The following AFDN variants were observed in gnomAD, a reference collection of about 807,000 sequenced individuals.
The protein encoded by AFDN is afadin.
A neutral mutation model predicts 216.6 loss-of-function variants in AFDN; 68 were observed. The ratio of observed to expected loss-of-function variants is 0.31; its 90% CI spans 0.26 to 0.38. The LOEUF is 0.38. Among genes scored for constraint, AFDN ranks in the 10% least tolerant of loss-of-function variants. The pLI, the probability that AFDN is intolerant of heterozygous loss-of-function variation, is 1.00. For synonymous variants in AFDN, 868 were observed against 853.7 expected (o/e 1.02, Z -0.29); for missense variants, 2,136 against 2,342.0 (o/e 0.91, Z 1.82).
intron 20 of AFDN, 129 bp downstream of exon 20, chr6:167,917,361 C>T (rs748109714): frequency 2.5e-5 from 26 of 1,021,560 alleles, no homozygotes; most frequent in African/African-American, 1.5e-4. Context: ...AGATCATTTT[C>T]GTGTTGCTGT....
intron 4 of AFDN, 32 bp downstream of exon 4, chr6:167,872,409 T>C: frequency 6.3e-7 from 1 of 1,584,462 alleles, no homozygotes. Context: ...TCCCCTTTCT[T>C]TGTGCTCCAA....
At position 167,898,234 on chromosome 6, in the gene AFDN, C is replaced by A; in HGVS notation, c.1347C>A (p.His449Gln). The A allele has an allele frequency of 6.2e-7, 1 of 1,614,192 alleles. No individual in the cohort carries two copies. The highest frequency in any genetic ancestry group is 8.5e-7 in the Non-Finnish European group (1 of 1,180,014). The change falls in exon 11 of 34, where the codon CAC becomes CAA. Residue 449 changes from histidine (H) to glutamine (Q), a missense_variant. By Grantham distance (24) the His-to-Gln change is conservative. Coordinates refer to ENST00000683244, the MANE Select transcript of AFDN (RefSeq NM_001386888.1). ...QLFGPGIQPHHCDLTNMDGVV... is the reference protein window; with the variant it reads ...QLFGPGIQPHQCDLTNMDGVV... Reference sequence around the variant, plus strand: ...TTGGCCCAGGAATTCAGCCCCATCACTGTGACCTTACCAACATGGATGGAG... The same window carrying A: ...TTGGCCCAGGAATTCAGCCCCATCAATGTGACCTTACCAACATGGATGGAG...
intron 21 of AFDN, among the ~76,000 whole-genome samples, chr6:167,921,254 TTGA>T (rs1282390439): frequency 6.6e-6 from 1 of 152,250 alleles, no homozygotes; most frequent in East Asian, 1.9e-4. Context: ...AGCTCTTGAC[TTGA>T]TGATGGAGTA....
chr6:167,911,765 G>C (rs762206571), intron 15 of AFDN: 3 of 423,702 alleles, frequency 7.1e-6, no homozygotes, highest in Non-Finnish European at 1.3e-5. Flanking sequence ...GGCTTTTGTA[G>C]AATTTTTTCT....
chr6:167,915,119 T>C, intron 18 of AFDN, 49 bp from the exon 19 acceptor site: 1 of 1,596,516 alleles, frequency 6.3e-7, no homozygotes, highest in Non-Finnish European at 8.5e-7. Context: ...CAAAGGCTTC[T>C]TCCTGGATGA....
At chr6:167,897,051 A>T (rs1030708999) in intron 10 of AFDN, 79 bp downstream of exon 10, 2 of 700,300 alleles carry the variant, frequency 2.9e-6, no homozygotes, top group Non-Finnish European at 4.9e-6. Flanking sequence ...CCACATGGTA[A>T]TGAAAGAAGG....
intron 22 of AFDN, 172 bp from the exon 23 acceptor site, chr6:167,924,833 A>G (rs1221839690): frequency 7.5e-6 from 5 of 666,810 alleles, no homozygotes; most frequent in South Asian, 3.1e-5. Flanking sequence ...TTACCAGATT[A>G]ATACCTGAAG....
At chr6:167,967,495 C>T (rs957737930) in intron 32 of AFDN, among the ~76,000 whole-genome samples, 8 of 152,134 alleles carry the variant, frequency 5.3e-5, no homozygotes, top group Non-Finnish European at 8.8e-5. Flanking sequence ...GAGAAATTTA[C>T]GGAATAATAG....
chr6:167,832,162 ATTTACACTTGTAAG>A (rs1779901800), intron 1 of AFDN, among the ~76,000 whole-genome samples: 1 of 152,226 alleles, frequency 6.6e-6, no homozygotes, highest in Non-Finnish European at 1.5e-5. Context: ...TCTGACCTAC[ATTTACACTTGTAAG>A]TTGGATACTG....
chr6:167,952,629 A>C (rs1326266858), intron 30 of AFDN: 1 of 361,548 alleles, frequency 2.8e-6, no homozygotes, highest in Non-Finnish European at 3.8e-6. Context: ...AAAAGCAGCC[A>C]CAGGCACAAG....
chr6:167,847,062 G>A (rs1193990587), intron 1 of AFDN, among the ~76,000 whole-genome samples: 2 of 152,006 alleles, frequency 1.3e-5, no homozygotes, highest in East Asian at 1.9e-4. Flanking sequence ...CTTTTTTACC[G>A]TAAGTGGGAG....
intron 1 of AFDN, among the ~76,000 whole-genome samples, chr6:167,858,867 T>G (rs1783201044): frequency 6.6e-6 from 1 of 152,140 alleles, no homozygotes; most frequent in Non-Finnish European, 1.5e-5. Flanking sequence ...CAAAGCAAAT[T>G]GATTGAATTT....
At chr6:167,901,817 C>T (rs1256819541) in intron 11 of AFDN, among the ~76,000 whole-genome samples, 3 of 151,714 alleles carry the variant, frequency 2.0e-5, no homozygotes, top group Admixed American at 2.0e-4. Context: ...TCGGGCCGGG[C>T]GTGGTGGCTC....
At chr6:167,865,570 G>T (rs2128231286) in intron 2 of AFDN, among the ~76,000 whole-genome samples, 1 of 152,266 alleles carries the variant, frequency 6.6e-6, no homozygotes, top group Non-Finnish European at 1.5e-5. Flanking sequence ...CTAGGATCGT[G>T]CCACTGCACT....
chr6:167,954,438 T>TC (rs764342107), intron 30 of AFDN: 10 of 1,568,948 alleles, frequency 6.4e-6, no homozygotes, highest in Non-Finnish European at 8.6e-6. Context: ...TTTTTTTTTT[T>TC]CTTTCTCTGT....
At chr6:167,905,538 G>A (rs896135840) in intron 12 of AFDN, among the ~76,000 whole-genome samples, 1 of 152,120 alleles carries the variant, frequency 6.6e-6, no homozygotes, top group Admixed American at 6.5e-5. Flanking sequence ...CTGGACTCTG[G>A]TATGGGTCTA....
intron 31 of AFDN, chr6:167,963,935 T>A (rs961357611): frequency 9.4e-6 from 10 of 1,064,640 alleles, no homozygotes; most frequent in Non-Finnish European, 1.1e-5. Flanking sequence ...CAGTGCCAGC[T>A]TGGCTGTCCC....
intron 23 of AFDN, among the ~76,000 whole-genome samples, chr6:167,934,230 A>G (rs1793692919): frequency 6.6e-6 from 1 of 152,094 alleles, no homozygotes; most frequent in Admixed American, 6.5e-5. Context: ...TTGGGTTTGT[A>G]TTTTATACAA....
intron 23 of AFDN, among the ~76,000 whole-genome samples, chr6:167,937,562 T>G (rs1794162280): frequency 6.9e-6 from 1 of 144,378 alleles, no homozygotes; most frequent in South Asian, 2.4e-4. Context: ...GCTTATTTCC[T>G]TAAATGAAAA....
Sources: allele counts gnomAD v4.1 joint callset (sites outside exome capture counted in the v4.1 genomes callset), GRCh38; gene constraint gnomAD v4.1.1; transcripts MANE v1.5; gene names NCBI Gene and HGNC (gene_info 2026-07-23, HGNC 2026-07-21).